The following FAM227B variants were observed in gnomAD, a reference collection of about 807,000 sequenced individuals.
FAM227B encodes the protein protein FAM227B.
In FAM227B, 88 loss-of-function variants were observed where a neutral mutation model predicts 73.8. The observed-to-expected ratio is 1.19, with a 90% CI of 1.00 to 1.42. The LOEUF (loss-of-function observed/expected upper bound fraction) is 1.42, where lower values mean the gene tolerates loss of function less well. Ranked by LOEUF, FAM227B falls within the 40% of genes most tolerant of loss-of-function variation. The probability of loss-of-function intolerance (pLI) is 0.00; values close to 1 mark genes in which losing one functional copy is unlikely to be tolerated. For synonymous variants in FAM227B, 210 were observed against 190.5 expected, an observed-to-expected ratio of 1.10 and a Z score of -0.84; for missense variants, 632 against 590.9, an observed-to-expected ratio of 1.07 and a Z score of -0.72.
At chr15:49,390,721 AC>A (rs2047160847) in intron 11 of FAM227B, among the ~76,000 whole-genome samples, 1 of 152,094 alleles carries the variant, frequency 6.6e-6, no homozygotes, top group East Asian at 1.9e-4. Flanking sequence ...ATGTTTATGT[AC>A]AGCTATGTAA....
At chr15:49,436,808 T>G (rs927925993) in intron 11 of FAM227B, among the ~76,000 whole-genome samples, 3 of 151,592 alleles carry the variant, frequency 2.0e-5, no homozygotes, top group African/African-American at 4.8e-5. Context: ...CTGGTGTTAT[T>G]AAAACATCGC....
rs1356809185 is a variant in FAM227B, at chr15:49,333,921, A to G, written c.1349+1498T>C. 5.3e-5 allele frequency among the ~76,000 whole-genome samples: 8 copies of G among 152,226 alleles called. 1 individual carries two copies. The highest frequency in any genetic ancestry group is 4.6e-4 in the Admixed American group (7 of 15,296). ...AGAAGGGAAATAAAAAACTAGCCCA[A>G]TAGAGACCAGCTAAATCTGTTGTTT... On this transcript the variant is annotated intron_variant, in intron 14 of 15. Transcript: ENST00000299338.
rs186047247 is a variant in FAM227B at position 49,473,370 on chromosome 15, T to A, written c.1012+34841A>T. Among the ~76,000 whole-genome samples, 1,497 of 152,258 alleles carry A rather than the reference T, an allele frequency of 9.8e-3. 27 individuals are homozygous for A. Among genetic ancestry groups the A allele is most frequent in the African/African-American group, 0.034 (1,418 of 41,566 alleles). ...AAAGTATAAAGAACATTGAGTTAAA[T>A]ATAAGTTATTAGAAGCATAAAATAA... On this transcript the variant is annotated intron_variant, in intron 11 of 15. Coordinates refer to ENST00000299338, the MANE Select transcript of FAM227B (RefSeq NM_152647.3).
chr15:49,372,243 C>CTTATAAATAAATAAAATTCAT (rs2045893129), intron 11 of FAM227B, among the ~76,000 whole-genome samples: 1 of 128,426 alleles, frequency 7.8e-6, no homozygotes, highest in African/African-American at 2.7e-5. Context: ...ATAAAATTCA[C>CTTATAAATAAATAAAATTCAT]TTATAAATAA....
At chr15:49,521,104 G>C (rs780887030) in intron 10 of FAM227B, among the ~76,000 whole-genome samples, 30 of 152,312 alleles carry the variant, frequency 2.0e-4, no homozygotes, top group Middle Eastern at 3.4e-3. Context: ...CCTGAATTGA[G>C]GTGGTGGGTG....
chr15:49,335,374 A>C, intron 14 of FAM227B, 45 bp downstream of exon 14: 1 of 1,302,980 alleles, frequency 7.7e-7, no homozygotes, highest in Non-Finnish European at 1.1e-6. Context: ...TCCAGTTCTA[A>C]AAAAGTATTA....
chr15:49,480,151 C>A (rs1215251880), intron 11 of FAM227B, among the ~76,000 whole-genome samples: 1 of 152,116 alleles, frequency 6.6e-6, no homozygotes, highest in African/African-American at 2.4e-5. Flanking sequence ...GTTGATTTCC[C>A]AGTGTTAATG....
At chr15:49,521,268 G>T (rs2059766075) in intron 10 of FAM227B, among the ~76,000 whole-genome samples, 1 of 152,188 alleles carries the variant, frequency 6.6e-6, no homozygotes, top group Non-Finnish European at 1.5e-5. Context: ...GGAGCTGTGG[G>T]ATTCCTGGAG....
chr15:49,395,755 T>C lies in FAM227B; in HGVS notation c.1013-24356A>G, dbSNP rs543195878. ...TTCTTACAGCGACTACGAGGCAGTC[T>C]TGCAAATACCTGGTTGGTCTTCTCA... On this transcript the variant is annotated intron_variant, in intron 11 of 15. Coordinates refer to ENST00000299338, the MANE Select transcript of FAM227B (RefSeq NM_152647.3). Among the ~76,000 whole-genome samples the C allele has an allele frequency of 8.5e-5, 13 of 152,324 alleles. No homozygotes were observed. In the East Asian group the frequency reaches 2.1e-3, roughly 25 times the overall value.
intron 13 of FAM227B, among the ~76,000 whole-genome samples, chr15:49,347,757 G>A (rs550828135): frequency 1.5e-4 from 23 of 152,192 alleles, no homozygotes; most frequent in Admixed American, 9.2e-4. Flanking sequence ...GGTGGCTCAC[G>A]CCAGTAATCT....
chr15:49,438,561 C>A (rs772159765), intron 11 of FAM227B, among the ~76,000 whole-genome samples: 28 of 151,596 alleles, frequency 1.8e-4, no homozygotes, highest in African/African-American at 6.3e-4. Context: ...AATATTAATA[C>A]ACATTATATA....
At chr15:49,463,602 G>A (rs928761515) in intron 11 of FAM227B, among the ~76,000 whole-genome samples, 2 of 150,716 alleles carry the variant, frequency 1.3e-5, no homozygotes, top group African/African-American at 4.9e-5. Context: ...GTTCTTAATG[G>A]TCTAGCCCTG....
chr15:49,437,126 T>C (rs181210269), intron 11 of FAM227B, among the ~76,000 whole-genome samples: 16 of 151,706 alleles, frequency 1.1e-4, no homozygotes, highest in African/African-American at 3.9e-4. Context: ...GTCTGGAAAA[T>C]TGTTATAGAA....
At chr15:49,382,895 A>C (rs911586794) in intron 11 of FAM227B, among the ~76,000 whole-genome samples, 3 of 152,150 alleles carry the variant, frequency 2.0e-5, no homozygotes, top group African/African-American at 7.2e-5. Flanking sequence ...AAAAGCAACA[A>C]TCATAGGTAG....
rs2047380429 is a variant in FAM227B, at chr15:49,393,822, T to C, written c.1013-22423A>G. ...TCATTTGCAAGAAACAAACAGAATT[T>C]ATGGAGGGCTTGAATTAGTACCTTG... On this transcript the variant is annotated intron_variant, in intron 11 of 15. Transcript: ENST00000299338. 3.3e-5 allele frequency among the ~76,000 whole-genome samples: 5 copies of C among 152,212 alleles called. No individual in the cohort carries two copies. In the South Asian group the frequency reaches 1.0e-3, roughly 32 times the overall value.
intron 1 of FAM227B, among the ~76,000 whole-genome samples, chr15:49,618,318 G>C (rs1414519670): frequency 1.3e-5 from 2 of 152,128 alleles, no homozygotes; most frequent in Non-Finnish European, 2.9e-5. Context: ...GGAGAAACCA[G>C]CAATCCTAAA....
intron 9 of FAM227B, among the ~76,000 whole-genome samples, chr15:49,543,593 G>C (rs1321045333): frequency 1.3e-5 from 2 of 152,120 alleles, no homozygotes; most frequent in Admixed American, 6.5e-5. Context: ...GCAATGTCTA[G>C]AAGAGTTTTT....
intron 9 of FAM227B, among the ~76,000 whole-genome samples, chr15:49,558,847 C>G (rs568227118): frequency 1.3e-5 from 2 of 152,216 alleles, no homozygotes; most frequent in Middle Eastern, 3.4e-3. Flanking sequence ...GACCACTTCC[C>G]CAGGGCCCAA....
intron 11 of FAM227B, chr15:49,488,732 T>A (rs982512526): frequency 1.5e-4 from 23 of 152,052 alleles, no homozygotes; most frequent in African/African-American, 5.1e-4. Flanking sequence ...GTGTTAGTTA[T>A]CTATTGCTGT....
Sources: gnomAD v4.1 joint callset for allele counts (sites outside exome capture counted in the v4.1 genomes callset) on GRCh38, gnomAD v4.1.1 for gene constraint, MANE v1.5 for transcripts, NCBI Gene and HGNC (gene_info 2026-07-23, HGNC 2026-07-21) for gene names.